Variants in MARCHF1 observed in about 807,000 individuals in gnomAD.
MARCHF1 encodes E3 ubiquitin-protein ligase MARCHF1.
A neutral mutation model predicts 54.2 loss-of-function variants in MARCHF1; 40 were observed. The ratio of observed to expected loss-of-function variants is 0.74; its 90% CI spans 0.57 to 0.96. The LOEUF (loss-of-function observed/expected upper bound fraction) is 0.96. MARCHF1 is among the 40% of genes least tolerant of loss of function. MARCHF1 has a pLI of 0.00. For synonymous variants in MARCHF1, 236 were observed against 236.3 expected (o/e 1.00, Z 0.01); for missense variants, 586 against 656.5 (o/e 0.89, Z 1.17).
intron 1 of MARCHF1, among the ~76,000 whole-genome samples, chr4:164,332,187 T>TAAA (rs1735450749): frequency 6.6e-6 from 1 of 152,186 alleles, no homozygotes; most frequent in Admixed American, 6.5e-5. Flanking sequence ...AGGTCTTTTT[T>TAAA]ATTTGTCACT....
At chr4:164,181,958 T>C (rs1034038281) in intron 1 of MARCHF1, among the ~76,000 whole-genome samples, 2 of 152,128 alleles carry the variant, frequency 1.3e-5, no homozygotes, top group Non-Finnish European at 2.9e-5. Flanking sequence ...GCTTTTTCTC[T>C]TGGGACTCAA....
chr4:163,799,006 A>G (rs1171620064), intron 4 of MARCHF1, among the ~76,000 whole-genome samples: 1 of 152,172 alleles, frequency 6.6e-6, no homozygotes, highest in East Asian at 1.9e-4. Flanking sequence ...CATCTTCACA[A>G]TAGCCCACTA....
chr4:164,173,143 T>G (rs1338919820), intron 1 of MARCHF1, among the ~76,000 whole-genome samples: 1 of 152,236 alleles, frequency 6.6e-6, no homozygotes, highest in African/African-American at 2.4e-5. Context: ...AATCAACACT[T>G]AGACTTTCTG....
At chr4:163,746,829 A>G (rs758012921) in intron 4 of MARCHF1, among the ~76,000 whole-genome samples, 60 of 152,206 alleles carry the variant, frequency 3.9e-4, no homozygotes, top group Admixed American at 1.3e-4. Flanking sequence ...ACTTCACCTC[A>G]TGAGCCATCA....
chr4:164,330,475 C>T (rs976061055), intron 1 of MARCHF1, among the ~76,000 whole-genome samples: 3 of 152,094 alleles, frequency 2.0e-5, no homozygotes, highest in African/African-American at 7.2e-5. Context: ...AAAACCCACC[C>T]GTAGCCACAA....
chr4:163,632,755 G>T (rs576472700), intron 5 of MARCHF1, among the ~76,000 whole-genome samples: 1 of 152,246 alleles, frequency 6.6e-6, no homozygotes, highest in East Asian at 1.9e-4. Context: ...ATAGCTCAAG[G>T]AGGCCTGCCT....
intron 1 of MARCHF1, among the ~76,000 whole-genome samples, chr4:164,112,125 T>A (rs760149298): frequency 6.6e-6 from 1 of 151,822 alleles, no homozygotes; most frequent in Non-Finnish European, 1.5e-5. Flanking sequence ...GTTTTGAACA[T>A]AATGAGGATG....
intron 1 of MARCHF1, among the ~76,000 whole-genome samples, chr4:164,127,457 G>T (rs1756208926): frequency 2.0e-5 from 3 of 152,112 alleles, no homozygotes; most frequent in Admixed American, 2.0e-4. Context: ...TCACATAAAA[G>T]AATTAGATAT....
intron 1 of MARCHF1, among the ~76,000 whole-genome samples, chr4:164,122,306 A>G (rs2952335): frequency 0.9 from 137,616 of 152,094 alleles, 62,412 homozygotes; most frequent in South Asian, 0.97. Context: ...ATGAAAAGCA[A>G]CCCCAACTTA....
At chr4:164,255,853 T>TA (rs1249656430) in intron 1 of MARCHF1, among the ~76,000 whole-genome samples, 2 of 152,178 alleles carry the variant, frequency 1.3e-5, no homozygotes, top group African/African-American at 4.8e-5. Context: ...ACCAAATACC[T>TA]AAAAAATGAG....
At chr4:164,302,106 C>G (rs1202617471) in intron 1 of MARCHF1, among the ~76,000 whole-genome samples, 1 of 152,166 alleles carries the variant, frequency 6.6e-6, no homozygotes, top group African/African-American at 2.4e-5. Flanking sequence ...CTAAATGGCT[C>G]TTTTGGAAAG....
At chr4:163,609,466 C>T (rs995633635) in intron 7 of MARCHF1, among the ~76,000 whole-genome samples, 1 of 151,926 alleles carries the variant, frequency 6.6e-6, no homozygotes, top group African/African-American at 2.4e-5. Context: ...TCTTCCCTTT[C>T]CTTATCCATT....
chr4:164,075,710 C>G lies in MARCHF1; in HGVS notation c.-248+35878G>C, dbSNP rs1214783170. The stretch of plus-strand genomic sequence containing the variant: ...TCTGAGCTCTATTTGGTCTTTAGGA[C>G]ATTTCCCAAATTGATTTAACACATG... On this transcript the variant is annotated intron_variant, in intron 2 of 9. Coordinates refer to ENST00000514618, the MANE Select transcript of MARCHF1 (RefSeq NM_001394959.1). Among the ~76,000 whole-genome samples the G allele has an allele frequency of 9.2e-5, 14 of 152,310 alleles. No individual in the cohort carries two copies. In the East Asian group the frequency reaches 1.7e-3, roughly 19 times the overall value.
chr4:163,980,147 T>A (rs1752732757), intron 3 of MARCHF1, among the ~76,000 whole-genome samples: 1 of 142,442 alleles, frequency 7.0e-6, no homozygotes. Context: ...CAAAACAGCA[T>A]GGTACTGGTA....
At chr4:163,604,511 C>G (rs1741080540) in intron 7 of MARCHF1, among the ~76,000 whole-genome samples, 1 of 152,120 alleles carries the variant, frequency 6.6e-6, no homozygotes, top group African/African-American at 2.4e-5. Flanking sequence ...GGGACACAGC[C>G]ATGGCTTTCT....
At chr4:164,199,176 A>G (rs1332330309) in intron 1 of MARCHF1, among the ~76,000 whole-genome samples, 1 of 152,196 alleles carries the variant, frequency 6.6e-6, no homozygotes, top group Non-Finnish European at 1.5e-5. Flanking sequence ...TGAAAGTAAG[A>G]CTTGCCTTGT....
intron 4 of MARCHF1, among the ~76,000 whole-genome samples, chr4:163,735,997 G>A (rs1348266531): frequency 6.6e-6 from 1 of 151,822 alleles, no homozygotes; most frequent in East Asian, 1.9e-4. Flanking sequence ...TATAAGTTAG[G>A]CACAATAAAA....
chr4:164,016,217 T>TA (rs1487426458), intron 2 of MARCHF1, among the ~76,000 whole-genome samples: 3 of 152,078 alleles, frequency 2.0e-5, no homozygotes, highest in African/African-American at 7.2e-5. Context: ...TCAGGAAACT[T>TA]ACAATTATGG....
At chr4:164,080,648 TTG>T (rs199734198) in intron 2 of MARCHF1, among the ~76,000 whole-genome samples, 66 of 150,092 alleles carry the variant, frequency 4.4e-4, no homozygotes, top group South Asian at 1.3e-3. Flanking sequence ...TAGTATTCTA[TTG>T]TGTGTGTGTG....
Sources: allele counts gnomAD v4.1 joint callset (sites outside exome capture counted in the v4.1 genomes callset), GRCh38; gene constraint gnomAD v4.1.1; transcripts MANE v1.5; gene names NCBI Gene and HGNC (gene_info 2026-07-23, HGNC 2026-07-21).